The following WWOX variants were observed in gnomAD, a reference collection of about 807,000 sequenced individuals.
WWOX encodes the protein WW domain containing oxidoreductase.
Under a neutral mutation model 46.2 loss-of-function variants are expected in WWOX, and 69 were observed. The ratio of observed to expected loss-of-function variants is 1.49; its 90% CI spans 1.23 to 1.82. WWOX has a LOEUF of 1.82. WWOX is among the 40% of genes most tolerant of loss of function. WWOX has a pLI of 0.00. For synonymous variants in WWOX, 359 were observed against 202.6 expected (o/e 1.77, Z -6.56); for missense variants, 919 against 542.6 (o/e 1.69, Z -6.89).
At chr16:78,161,098 T>C (rs192461393) in intron 4 of WWOX, among the ~76,000 whole-genome samples, 5 of 152,274 alleles carry the variant, frequency 3.3e-5, no homozygotes, top group African/African-American at 1.2e-4. Context: ...CTATATCAGA[T>C]TTCTTTTGGC....
intron 8 of WWOX, among the ~76,000 whole-genome samples, chr16:78,703,209 T>C (rs1001756504): frequency 7.3e-6 from 1 of 137,456 alleles, no homozygotes; most frequent in Admixed American, 6.8e-5. Context: ...GACAAGAGTC[T>C]GTCTCTTTTC....
intron 1 of WWOX, 131 bp from the exon 2 acceptor site, chr16:78,108,292 C>T (rs747976455): frequency 8.9e-6 from 8 of 897,804 alleles, no homozygotes; most frequent in Non-Finnish European, 1.4e-5. Context: ...GGTCACAGTC[C>T]TCTTTCTCCT....
At chr16:78,155,048 C>T (rs529940442) in intron 4 of WWOX, among the ~76,000 whole-genome samples, 5 of 152,308 alleles carry the variant, frequency 3.3e-5, no homozygotes, top group Admixed American at 6.5e-5. Context: ...CCTGTCACCA[C>T]GTGGGATTGG....
chr16:78,891,257 G>A (rs985716015), intron 8 of WWOX: 1 of 152,012 alleles, frequency 6.6e-6, no homozygotes, highest in African/African-American at 2.4e-5. Flanking sequence ...GTTTAGGATT[G>A]TTGATCTGTA....
chr16:78,569,846 T>G (rs183890674), intron 8 of WWOX, among the ~76,000 whole-genome samples: 109 of 152,356 alleles, frequency 7.2e-4, no homozygotes, highest in African/African-American at 2.6e-3. Flanking sequence ...TAATATGATG[T>G]GACCTCATCG....
chr16:79,165,817 A>C (rs2050582524), intron 8 of WWOX, among the ~76,000 whole-genome samples: 1 of 152,322 alleles, frequency 6.6e-6, no homozygotes, highest in Admixed American at 6.5e-5. Flanking sequence ...TGAACAAATT[A>C]CATCCCTCAC....
rs11545030 is a variant in WWOX at position 79,211,829 on chromosome 16, G to C, written c.*33G>C. 4.1e-3 allele frequency: 6,686 copies of C among 1,612,770 alleles called. 28 individuals are homozygous for C. The highest frequency in any genetic ancestry group is 0.01 in the Middle Eastern group (62 of 6,062). Reference sequence around the variant, plus strand: ...TCAGAGCGGATGGGCACACACACCCGCCCTGTGTGTGTCCCCTCACGCAAG... The same window carrying C: ...TCAGAGCGGATGGGCACACACACCCCCCCTGTGTGTGTCCCCTCACGCAAG... On this transcript the variant is annotated 3_prime_UTR_variant, in exon 9 of 9. Coordinates refer to ENST00000566780, the MANE Select transcript of WWOX (RefSeq NM_016373.4).
chr16:78,144,468 C>CACATATATATATATATATATACACACAT (rs1567596380), intron 4 of WWOX, among the ~76,000 whole-genome samples: 1 of 14,482 alleles, frequency 6.9e-5, no homozygotes, highest in Non-Finnish European at 1.2e-4. Context: ...TATATACACA[C>CACATATATATATATATATATACACACAT]ATATATATAT....
chr16:78,746,383 A>G (rs537125651), intron 8 of WWOX, among the ~76,000 whole-genome samples: 7 of 152,306 alleles, frequency 4.6e-5, no homozygotes, highest in African/African-American at 1.4e-4. Flanking sequence ...CTGTAGTCTC[A>G]GCTACTTGGG....
chr16:78,182,264 C>CGG (rs1316313454), intron 5 of WWOX, among the ~76,000 whole-genome samples: 2 of 152,124 alleles, frequency 1.3e-5, no homozygotes, highest in African/African-American at 4.8e-5. Context: ...CGAGTACTTG[C>CGG]GGTGGTACCT....
intron 5 of WWOX, among the ~76,000 whole-genome samples, chr16:78,232,923 T>A: frequency 6.6e-6 from 1 of 152,026 alleles, no homozygotes; most frequent in East Asian, 1.9e-4. Flanking sequence ...CTAACTGCAA[T>A]CTCTGCCTCC....
chr16:78,777,724 C>A (rs1050609294), intron 8 of WWOX, among the ~76,000 whole-genome samples: 7 of 152,068 alleles, frequency 4.6e-5, no homozygotes, highest in Non-Finnish European at 1.0e-4. Context: ...TATTATGTGC[C>A]AGATACTAGG....
At chr16:78,178,275 C>T (rs75429692) in intron 5 of WWOX, among the ~76,000 whole-genome samples, 193 of 152,294 alleles carry the variant, frequency 1.3e-3, no homozygotes, top group Non-Finnish European at 2.4e-3. Context: ...AGTTACTAAG[C>T]ACTTTTCCTG....
chr16:78,900,443 C>T (rs921824491), intron 8 of WWOX, among the ~76,000 whole-genome samples: 4 of 152,170 alleles, frequency 2.6e-5, no homozygotes, highest in African/African-American at 4.8e-5. Context: ...ATGAGACTTT[C>T]TGTTAGGAAA....
intron 6 of WWOX, among the ~76,000 whole-genome samples, chr16:78,389,017 T>C (rs922742299): frequency 2.0e-5 from 3 of 151,270 alleles, no homozygotes; most frequent in African/African-American, 4.9e-5. Context: ...AGTATGTCAG[T>C]GTCCCAAGTC....
chr16:78,665,972 G>A (rs755398485), intron 8 of WWOX, among the ~76,000 whole-genome samples: 5 of 151,690 alleles, frequency 3.3e-5, no homozygotes, highest in Admixed American at 6.6e-5. Context: ...GACGTGAGCC[G>A]CTGCGCCTGG....
intron 8 of WWOX, among the ~76,000 whole-genome samples, chr16:78,849,496 C>A (rs958819788): frequency 6.7e-6 from 1 of 150,064 alleles, no homozygotes; most frequent in Non-Finnish European, 1.5e-5. Context: ...ATGGCGTGAA[C>A]CCGGGAGGCG....
chr16:78,582,826 G>A (rs2045095858), intron 8 of WWOX, among the ~76,000 whole-genome samples: 1 of 152,110 alleles, frequency 6.6e-6, no homozygotes, highest in Non-Finnish European at 1.5e-5. Context: ...CTGAAGACCT[G>A]GTATGTCTTA....
At position 78,855,698 on chromosome 16, in the gene WWOX, G is replaced by A. The variant is rs1011007280; in HGVS notation, c.1057-355910G>A. 4.6e-5 allele frequency among the ~76,000 whole-genome samples: 7 copies of A among 152,178 alleles called. No homozygotes were observed. The East Asian group carries it at 1.2e-3, about 25-fold the overall frequency. On this transcript the variant is annotated intron_variant, in intron 8 of 8. Coordinates refer to ENST00000566780, the MANE Select transcript of WWOX (RefSeq NM_016373.4). ...TTAATCATTTTCAAGGTTTAAGGTT[G>A]TTTTTGTTTATTGGTTGGGGTGGAG...
Sources: gnomAD v4.1 joint callset for allele counts (sites outside exome capture counted in the v4.1 genomes callset) on GRCh38, gnomAD v4.1.1 for gene constraint, MANE v1.5 for transcripts, NCBI Gene and HGNC (gene_info 2026-07-23, HGNC 2026-07-21) for gene names.